TGFBRAP1: variants seen among roughly 807,000 people sequenced by gnomAD.
The protein encoded by TGFBRAP1 is transforming growth factor beta receptor associated protein 1.
In TGFBRAP1, 20 loss-of-function variants were observed where a neutral mutation model predicts 83.2. The observed-to-expected ratio is 0.24, with a 90% CI of 0.17 to 0.35. The LOEUF is 0.35. TGFBRAP1 is among the 10% of genes least tolerant of loss of function. TGFBRAP1 has a pLI of 1.00. For missense variants in TGFBRAP1, 950 were observed against 1,099.4 expected, an observed-to-expected ratio of 0.86 and a Z score of 1.92; for synonymous variants, 415 against 459.8, an observed-to-expected ratio of 0.90 and a Z score of 1.25.
At chr2:105,327,186 T>C (rs1476386603) in intron 1 of TGFBRAP1, 2 of 152,160 alleles carry the variant, frequency 1.3e-5, no homozygotes, top group African/African-American at 4.8e-5. Context: ...AAATTTGTAA[T>C]ATTAGCATGA....
At chr2:105,277,730 TCA>T in intron 6 of TGFBRAP1, 59 bp from the exon 7 acceptor site, 5 of 1,504,530 alleles carry the variant, frequency 3.3e-6, no homozygotes, top group Non-Finnish European at 4.6e-6. Context: ...GAGGCGACCT[TCA>T]CACAGTGACA....
chr2:105,253,201 C>T, the TGFBRAP1 span, among the ~76,000 whole-genome samples: 17,137 of 152,054 alleles, frequency 0.11, 1,208 homozygotes, highest in Middle Eastern at 0.16. Flanking sequence ...GGTGCGATCT[C>T]GGCTCACTGC....
Position 105,273,705 on chromosome 2 carries a change from A to AC in TGFBRAP1, c.1666-16dup. On this transcript the variant is annotated splice_polypyrimidine_tract_variant and intron_variant, in intron 8 of 11. Coordinates refer to ENST00000393359, the MANE Select transcript of TGFBRAP1 (RefSeq NM_004257.6). ...TGAACTCCGACCTGAAAGAGGAGCG[A>AC]CAATACAGTGACTGTGCTTCCCAAA... 6.2e-7 allele frequency: 1 copy of AC among 1,613,256 alleles called. No homozygotes were observed. Among genetic ancestry groups the AC allele is most frequent in the Non-Finnish European group, 8.5e-7 (1 of 1,179,578 alleles).
chr2:105,267,476 A>C lies in TGFBRAP1; in HGVS notation c.2490T>G (p.Phe830Leu), dbSNP rs778456723. ...ICQNPFCEPVFVRYPNGGLVH... is the reference protein window; with the variant it reads ...ICQNPFCEPVLVRYPNGGLVH... ...CAAGACCACCATTTGGGTATCTAACAAACACAGGCTCACAAAAGGGATTTT... is the reference window on the plus strand; with the variant it reads ...CAAGACCACCATTTGGGTATCTAACCAACACAGGCTCACAAAAGGGATTTT... The change falls in exon 12 of 12, where the codon TTT becomes TTG. Residue 830 changes from phenylalanine (F) to leucine (L), a missense_variant. Coordinates refer to ENST00000393359, the MANE Select transcript of TGFBRAP1 (RefSeq NM_004257.6). 1 of 1,614,212 alleles carries C rather than the reference A, an allele frequency of 6.2e-7. No homozygotes were observed. Among genetic ancestry groups the C allele is most frequent in the South Asian group, 1.1e-5 (1 of 91,086 alleles).
rs1677671394 is a variant in TGFBRAP1, at chr2:105,285,119, G to A, written c.1039-721C>T. 2.0e-5 allele frequency among the ~76,000 whole-genome samples: 3 copies of A among 152,204 alleles called. No homozygotes were observed. In the South Asian group the frequency reaches 6.2e-4, roughly 31 times the overall value. On this transcript the variant is annotated intron_variant, in intron 4 of 11. Coordinates refer to ENST00000393359, the MANE Select transcript of TGFBRAP1 (RefSeq NM_004257.6). The stretch of plus-strand genomic sequence containing the variant: ...CATTGTCTATATGAAATGGCTCCTG[G>A]ACATGTTTCTTCACTCTGTTCCTAC...
At chr2:105,313,983 G>A (rs1678772372) in intron 1 of TGFBRAP1, among the ~76,000 whole-genome samples, 1 of 152,126 alleles carries the variant, frequency 6.6e-6, no homozygotes, top group South Asian at 2.1e-4. Flanking sequence ...CAGTACCCAT[G>A]AATGGGACCT....
chr2:105,290,029 GCATCTTTTCAT>G (rs1398720313), intron 4 of TGFBRAP1, among the ~76,000 whole-genome samples: 2 of 152,144 alleles, frequency 1.3e-5, no homozygotes, highest in African/African-American at 4.8e-5. Flanking sequence ...GAGACAAAAA[GCATCTTTTCAT>G]ACATTTATTA....
chr2:105,306,075 T>G (rs555866767), intron 2 of TGFBRAP1, among the ~76,000 whole-genome samples: 68 of 150,184 alleles, frequency 4.5e-4, no homozygotes, highest in East Asian at 3.4e-3. Context: ...TTTGTTTTTT[T>G]TTTTTTGAGA....
chr2:105,279,062 C>A (rs988984479), intron 6 of TGFBRAP1, among the ~76,000 whole-genome samples: 7 of 152,038 alleles, frequency 4.6e-5, no homozygotes, highest in Non-Finnish European at 8.8e-5. Context: ...CCGAAAAAAT[C>A]TTATCCTGTA....
Position 105,269,056 on chromosome 2 carries a change from G to A in TGFBRAP1, c.2406+216C>T, listed in dbSNP as rs1677049521. Among the ~76,000 whole-genome samples, 2 of 152,200 alleles carry A rather than the reference G, an allele frequency of 1.3e-5. No individual in the cohort carries two copies. The highest frequency in any genetic ancestry group is 2.4e-5 in the African/African-American group (1 of 41,458). ...CTCTCTTAATCACCAGCGTCCAAAA[G>A]GGGAGAAAAACTACACCGATGTTAC... On this transcript the variant is annotated intron_variant, in intron 11 of 11. Transcript: ENST00000393359. This position sits in a 1 kb window ranked among gnomAD's most constrained non-coding sequence, Gnocchi z 4.1.
chr2:105,315,735 A>T (rs1324697264), intron 1 of TGFBRAP1, among the ~76,000 whole-genome samples: 1 of 152,196 alleles, frequency 6.6e-6, no homozygotes, highest in Non-Finnish European at 1.5e-5. Flanking sequence ...ACAACTGGAA[A>T]TCTCATACGT....
downstream of TGFBRAP1, among the ~76,000 whole-genome samples, chr2:105,260,914 G>A (rs913159782): frequency 1.3e-5 from 2 of 152,140 alleles, no homozygotes; most frequent in Non-Finnish European, 2.9e-5. Context: ...CTCATATAAA[G>A]GGAATACATT....
At chr2:105,253,633 C>T in the TGFBRAP1 span, among the ~76,000 whole-genome samples, 1 of 152,116 alleles carries the variant, frequency 6.6e-6, no homozygotes, top group Non-Finnish European at 1.5e-5. Context: ...GAGGGTCTCA[C>T]TATGTTGCCC....
Position 105,273,642 on chromosome 2 carries a change from T to A in TGFBRAP1, c.1714A>T (p.Asn572Tyr). 1.9e-6 allele frequency: 3 copies of A among 1,614,126 alleles called. No individual in the cohort carries two copies. Among genetic ancestry groups the A allele is most frequent in the Non-Finnish European group, 2.5e-6 (3 of 1,179,982 alleles). Residue 572 changes from asparagine to tyrosine, a missense_variant, in exon 9 of 12, where the codon AAC becomes TAC. Coordinates refer to ENST00000393359, the MANE Select transcript of TGFBRAP1 (RefSeq NM_004257.6). Reference protein sequence around the residue: ...TKRPLDEQQKNSFNPDDIINC... With the variant: ...TKRPLDEQQKYSFNPDDIINC... ...ATAATGTCGTCTGGATTAAAACTGT[T>A]CTTCTGCTGTTCATCCAAAGGTCTC...
Position 105,308,259 on chromosome 2 carries a change from G to A in TGFBRAP1, c.43C>T (p.Arg15Trp), listed in dbSNP as rs142642318. 1.5e-5 allele frequency: 24 copies of A among 1,613,922 alleles called. No homozygotes were observed. The highest frequency in any genetic ancestry group is 3.3e-4 in the Middle Eastern group (2 of 6,082). Reference protein sequence around the residue: ...KAFTLVSAVERELLMGDKERV... With the variant: ...KAFTLVSAVEWELLMGDKERV... ...TCCTTGTCGCCCATCAGCAGCTCCC[G>A]CTCCACAGCAGAGACAAGCGTAAAG... The change falls in exon 2 of 12, where the codon CGG (arginine) becomes TGG (tryptophan). Residue 15 changes from arginine to tryptophan, a missense_variant. Coordinates refer to ENST00000393359, the MANE Select transcript of TGFBRAP1 (RefSeq NM_004257.6).
intron 1 of TGFBRAP1, among the ~76,000 whole-genome samples, chr2:105,320,396 AG>A (rs957044285): frequency 1.3e-5 from 2 of 152,112 alleles, no homozygotes; most frequent in African/African-American, 4.8e-5. Flanking sequence ...TACAGCAAGA[AG>A]TTTTTTTTTT....
intron 1 of TGFBRAP1, among the ~76,000 whole-genome samples, chr2:105,316,420 AGTGTGTGTGTGTGTGTGTGTGTGT>A (rs71393002): frequency 3.7e-5 from 4 of 109,100 alleles, no homozygotes; most frequent in African/African-American, 7.2e-5. Flanking sequence ...AGGTATAGGG[AGTGTGTGTGTGTGTGTGTGTGTGT>A]GTGTGTGTGT....
chr2:105,312,411 AG>A (rs1678724876), intron 1 of TGFBRAP1, among the ~76,000 whole-genome samples: 1 of 152,240 alleles, frequency 6.6e-6, no homozygotes, highest in African/African-American at 2.4e-5. Flanking sequence ...ATACATACCC[AG>A]GTAGGGAAGA....
At chr2:105,249,957 G>A in the TGFBRAP1 span, among the ~76,000 whole-genome samples, 1 of 152,214 alleles carries the variant, frequency 6.6e-6, no homozygotes, top group African/African-American at 2.4e-5. Flanking sequence ...GTGCATGTGT[G>A]TGCGTGCATG....
Sources: allele counts gnomAD v4.1 joint callset (sites outside exome capture counted in the v4.1 genomes callset), GRCh38; gene constraint gnomAD v4.1.1; non-coding constraint Gnocchi (gnomAD v3.1); transcripts MANE v1.5; gene names NCBI Gene and HGNC (gene_info 2026-07-23, HGNC 2026-07-21).